The following ST3GAL5 variants were observed in gnomAD, a reference collection of about 807,000 sequenced individuals.
ST3GAL5 encodes ST3 beta-galactoside alpha-2,3-sialyltransferase 5.
ST3GAL5 carries 25 observed loss-of-function variants against 46.1 expected under a neutral mutation model. That is an observed-to-expected ratio of 0.54 (90% CI 0.40 to 0.76). The LOEUF (loss-of-function observed/expected upper bound fraction) is 0.76. Among genes scored for constraint, ST3GAL5 ranks in the 30% least tolerant of loss-of-function variants. The pLI, the probability that ST3GAL5 is intolerant of heterozygous loss-of-function variation, is 0.00. For missense variants in ST3GAL5, 431 were observed against 521.2 expected (o/e 0.83, Z 1.69); for synonymous variants, 182 against 192.7 (o/e 0.94, Z 0.46).
Position 85,888,939 on chromosome 2 carries a change from G to A in ST3GAL5, c.-34C>T. 5 of 1,302,378 alleles carry A rather than the reference G, an allele frequency of 3.8e-6. No homozygotes were observed. Among genetic ancestry groups the A allele is most frequent in the South Asian group, 2.0e-5 (1 of 49,564 alleles). The allele number at this position is 1,302,378 out of a possible 1,614,324, so 80.7% of individuals were successfully genotyped here. Reference sequence around the variant, plus strand: ...GGGGGCGCCGGCCGGCCGCCAGCCCGGTACCCCGCGCCCCCACCCGCCCCC... The same window carrying A: ...GGGGGCGCCGGCCGGCCGCCAGCCCAGTACCCCGCGCCCCCACCCGCCCCC... On this transcript the variant is annotated 5_prime_UTR_variant, in exon 1 of 7. Coordinates refer to ENST00000638572, the MANE Select transcript of ST3GAL5 (RefSeq NM_003896.4).
chr2:85,878,375 A>G (rs6753350), intron 1 of ST3GAL5, among the ~76,000 whole-genome samples: 64,622 of 152,004 alleles, frequency 0.43, 14,090 homozygotes, highest in Admixed American at 0.53. Flanking sequence ...ATATACTATC[A>G]TGACGGGGGT....
chr2:85,870,203 T>G, intron 1 of ST3GAL5: 1 of 470,986 alleles, frequency 2.1e-6, no homozygotes, highest in Non-Finnish European at 4.4e-6. Flanking sequence ...CCCACTAGAA[T>G]GCAGATTCCA....
intron 1 of ST3GAL5, among the ~76,000 whole-genome samples, chr2:85,883,388 T>C (rs1402456508): frequency 2.6e-5 from 4 of 152,230 alleles, no homozygotes; most frequent in Non-Finnish European, 4.4e-5. Flanking sequence ...TCCACCATGA[T>C]TGTGAGACCT....
chr2:85,847,488 G>A (rs918031851), intron 4 of ST3GAL5: 2 of 1,035,790 alleles, frequency 1.9e-6, no homozygotes, highest in South Asian at 3.6e-5. Context: ...TCCCTTGTGG[G>A]CAGGGACTGT....
chr2:85,859,011 T>C (rs1573636551), intron 3 of ST3GAL5, among the ~76,000 whole-genome samples: 1 of 152,308 alleles, frequency 6.6e-6, no homozygotes, highest in East Asian at 1.9e-4. Context: ...CCACGTGGCT[T>C]AAGTTCAAAA....
intron 3 of ST3GAL5, chr2:85,856,495 T>C (rs985181553): frequency 2.0e-5 from 3 of 152,190 alleles, no homozygotes; most frequent in Admixed American, 6.5e-5. Flanking sequence ...CCTTCTAAAC[T>C]TAGATCATGG....
chr2:85,843,820 C>T (rs1264606734), intron 6 of ST3GAL5, among the ~76,000 whole-genome samples: 1 of 152,148 alleles, frequency 6.6e-6, no homozygotes, highest in African/African-American at 2.4e-5. Context: ...CCAAATTAGG[C>T]TGCAAAATAA....
At chr2:85,860,900 C>A in intron 3 of ST3GAL5, 1 of 419,790 alleles carries the variant, frequency 2.4e-6, no homozygotes, top group Admixed American at 3.7e-5. Context: ...AGCATCAGGG[C>A]AAATTAATTC....
intron 5 of ST3GAL5, chr2:85,846,148 A>G: frequency 2.0e-6 from 1 of 508,746 alleles, no homozygotes; most frequent in South Asian, 2.1e-5. Flanking sequence ...GAGAGCCAAG[A>G]CTGCACCACT....
At chr2:85,853,300 A>G in intron 3 of ST3GAL5, 1 of 336,524 alleles carries the variant, frequency 3.0e-6, no homozygotes, top group South Asian at 2.4e-5. Context: ...GGACATATTT[A>G]AATAGAAAAT....
intron 1 of ST3GAL5, among the ~76,000 whole-genome samples, chr2:85,868,621 C>CTT (rs34467025): frequency 1.4e-5 from 2 of 139,778 alleles, no homozygotes; most frequent in Non-Finnish European, 1.6e-5. Context: ...GGCAATTAAA[C>CTT]TTTTTTTTTT....
intron 3 of ST3GAL5, chr2:85,851,046 A>T: frequency 6.3e-6 from 1 of 158,548 alleles, no homozygotes; most frequent in Non-Finnish European, 1.3e-5. Flanking sequence ...GTTCCTGAGT[A>T]GCTGGGATTA....
intron 4 of ST3GAL5, chr2:85,847,520 A>G: frequency 9.3e-7 from 1 of 1,069,588 alleles, no homozygotes; most frequent in South Asian, 3.1e-5. Flanking sequence ...TGTGTCCCTC[A>G]CTGTTCCTGG....
At chr2:85,874,551 C>T (rs1686311238) in intron 1 of ST3GAL5, among the ~76,000 whole-genome samples, 1 of 152,132 alleles carries the variant, frequency 6.6e-6, no homozygotes, top group African/African-American at 2.4e-5. Context: ...CCTTCCTTGA[C>T]CACCCTCTGT....
chr2:85,847,287 C>T, intron 4 of ST3GAL5: 4 of 848,470 alleles, frequency 4.7e-6, no homozygotes, highest in Non-Finnish European at 5.7e-6. Context: ...GTGTCCTCTT[C>T]TTGCCCCTGT....
chr2:85,842,869 T>C (rs1366656973), intron 6 of ST3GAL5, among the ~76,000 whole-genome samples: 1 of 151,822 alleles, frequency 6.6e-6, no homozygotes, highest in Non-Finnish European at 1.5e-5. Context: ...CAAGCGATTC[T>C]CCTGCCTCAG....
At chr2:85,866,520 A>G (rs1418493529) in intron 1 of ST3GAL5, among the ~76,000 whole-genome samples, 1 of 152,250 alleles carries the variant, frequency 6.6e-6, no homozygotes, top group Admixed American at 6.5e-5. Flanking sequence ...CACACTGCAC[A>G]AAGAAGTACT....
chr2:85,876,526 T>C (rs909948893), intron 1 of ST3GAL5, among the ~76,000 whole-genome samples: 2 of 148,424 alleles, frequency 1.3e-5, no homozygotes, highest in African/African-American at 4.9e-5. Context: ...TGAGGTGGCA[T>C]GATCTCGGCG....
chr2:85,888,068 G>A (rs1403830816), intron 1 of ST3GAL5: 1 of 152,050 alleles, frequency 6.6e-6, no homozygotes, highest in Non-Finnish European at 1.5e-5. Flanking sequence ...AAAAACCCGG[G>A]GCCTGGAAGG....
Sources: gnomAD v4.1 joint callset for allele counts (sites outside exome capture counted in the v4.1 genomes callset) on GRCh38, gnomAD v4.1.1 for gene constraint, MANE v1.5 for transcripts, NCBI Gene and HGNC (gene_info 2026-07-23, HGNC 2026-07-21) for gene names.